The following MKLN1 variants were observed in gnomAD, a reference collection of about 807,000 sequenced individuals.
MKLN1 encodes the protein muskelin 1, also known as muskelin.
In MKLN1, 18 loss-of-function variants were observed where a neutral mutation model predicts 99.0. The ratio of observed to expected loss-of-function variants is 0.18; its 90% CI spans 0.13 to 0.27. The LOEUF (loss-of-function observed/expected upper bound fraction) is 0.27, where lower values mean the gene tolerates loss of function less well. MKLN1 is among the 10% of genes least tolerant of loss of function. MKLN1 has a pLI of 1.00. For missense variants in MKLN1, 621 were observed against 875.9 expected (o/e 0.71, Z 3.67); for synonymous variants, 288 against 293.2 (o/e 0.98, Z 0.18).
intron 4 of MKLN1, among the ~76,000 whole-genome samples, chr7:131,393,468 T>C (rs1275455912): frequency 6.6e-6 from 1 of 152,230 alleles, no homozygotes; most frequent in Non-Finnish European, 1.5e-5. Flanking sequence ...ATATGCCCAT[T>C]GGCAAGATAA....
intron 10 of MKLN1, among the ~76,000 whole-genome samples, chr7:131,439,957 C>T (rs1224709485): frequency 6.6e-6 from 1 of 151,528 alleles, no homozygotes; most frequent in African/African-American, 2.4e-5. Flanking sequence ...TAGAGTAAAC[C>T]TATAACTCCC....
intron 1 of MKLN1, among the ~76,000 whole-genome samples, chr7:131,333,215 T>C (rs1007248411): frequency 2.6e-5 from 4 of 152,046 alleles, no homozygotes; most frequent in Non-Finnish European, 1.5e-5. Flanking sequence ...TGAGCCACCA[T>C]GCCCAGCCAA....
chr7:131,260,427 G>A (rs1797715679), intron 3 of MKLN1, among the ~76,000 whole-genome samples: 1 of 152,126 alleles, frequency 6.6e-6, no homozygotes, highest in African/African-American at 2.4e-5. Context: ...TAGCCAGGGA[G>A]ATGACTACAA....
intron 2 of MKLN1, among the ~76,000 whole-genome samples, chr7:131,384,900 A>G (rs759971621): frequency 6.6e-6 from 1 of 152,246 alleles, no homozygotes; most frequent in African/African-American, 2.4e-5. Context: ...CACACATAAT[A>G]TAAAGTTAGC....
At chr7:131,400,518 A>AATAT (rs56156009) in intron 6 of MKLN1, among the ~76,000 whole-genome samples, 2,012 of 137,396 alleles carry the variant, frequency 0.015, 34 homozygotes, top group African/African-American at 0.042. Flanking sequence ...ATAAAAAAAA[A>AATAT]ATATATATAT....
chr7:131,464,242 T>C (rs1584770123), intron 13 of MKLN1, 52 bp from the exon 14 acceptor site: 1 of 1,123,034 alleles, frequency 8.9e-7, no homozygotes, highest in East Asian at 2.5e-5. Flanking sequence ...GCTACAGTTG[T>C]ATTATCTTTG....
At position 131,240,110 on chromosome 7, in the gene MKLN1, A is replaced by G. The variant is rs151014266; in HGVS notation, c.-179+37136A>G. On this transcript the variant is annotated intron_variant, in intron 3 of 7. Coordinates refer to the MKLN1 transcript ENST00000416992. ...GAGGGAAGATCACTTGAGCCCAGGA[A>G]GTCGAGACTGCAGTGAGCCGTGATC... 4.8e-4 allele frequency among the ~76,000 whole-genome samples: 73 copies of G among 152,224 alleles called. 1 individual carries two copies. Among genetic ancestry groups the G allele is most frequent in the African/African-American group, 1.6e-3 (65 of 41,540 alleles).
chr7:131,238,208 C>T (rs1663266146), intron 3 of MKLN1, among the ~76,000 whole-genome samples: 1 of 152,030 alleles, frequency 6.6e-6, no homozygotes, highest in African/African-American at 2.4e-5. Flanking sequence ...ATCTTGTGTG[C>T]CTGCAAAGGG....
chr7:131,139,321 C>T (rs1485119232), intron 1 of MKLN1, among the ~76,000 whole-genome samples: 1 of 151,944 alleles, frequency 6.6e-6, no homozygotes, highest in Non-Finnish European at 1.5e-5. Flanking sequence ...CCATTTTTGG[C>T]CCCTGCTCTT....
chr7:131,466,936 C>CTT (rs1491491431), intron 15 of MKLN1, among the ~76,000 whole-genome samples: 1 of 152,090 alleles, frequency 6.6e-6, no homozygotes, highest in East Asian at 1.9e-4. Flanking sequence ...CGCGCGCGCG[C>CTT]ACACACGCAC....
At chr7:131,418,094 C>A (rs1306036672) in intron 8 of MKLN1, among the ~76,000 whole-genome samples, 1 of 152,098 alleles carries the variant, frequency 6.6e-6, no homozygotes, top group African/African-American at 2.4e-5. Flanking sequence ...GATGGCCGGG[C>A]ACGGTGGCTC....
At chr7:131,212,729 G>C (rs1180684004) in intron 3 of MKLN1, among the ~76,000 whole-genome samples, 7 of 152,092 alleles carry the variant, frequency 4.6e-5, no homozygotes, top group Non-Finnish European at 2.9e-5. Context: ...TTCGAGACCA[G>C]CCTGACCAAC....
At chr7:131,426,651 A>G (rs1049650819) in intron 8 of MKLN1, among the ~76,000 whole-genome samples, 2 of 152,200 alleles carry the variant, frequency 1.3e-5, no homozygotes, top group African/African-American at 4.8e-5. Context: ...GTCAGTTATA[A>G]TATCATTTTT....
chr7:131,314,210 C>T lies in MKLN1; in HGVS notation c.-178-61214C>T, dbSNP rs141483678. ...TAAAAGTCAAAGGGATCAGGCGACACGATACAAAAGAGAGCAGAGTTTTGT... is the reference window on the plus strand; with the variant it reads ...TAAAAGTCAAAGGGATCAGGCGACATGATACAAAAGAGAGCAGAGTTTTGT... On this transcript the variant is annotated intron_variant, in intron 3 of 7. Transcript: ENST00000416992. 2.6e-3 allele frequency among the ~76,000 whole-genome samples: 402 copies of T among 152,212 alleles called. 2 individuals carry two copies. The highest frequency in any genetic ancestry group is 0.01 in the Middle Eastern group (3 of 294).
intron 1 of MKLN1, among the ~76,000 whole-genome samples, chr7:131,370,069 C>T (rs527284155): frequency 1.1e-4 from 16 of 152,344 alleles, no homozygotes; most frequent in African/African-American, 3.8e-4. Context: ...AACTCCTGAC[C>T]TCAGGTGATC....
chr7:131,389,703 G>A (rs1025535729), intron 4 of MKLN1, among the ~76,000 whole-genome samples: 1 of 151,780 alleles, frequency 6.6e-6, no homozygotes, highest in African/African-American at 2.4e-5. Flanking sequence ...GGCTAACATG[G>A]TGAAACCCCA....
chr7:131,179,589 G>A (rs1408841346), intron 2 of MKLN1, among the ~76,000 whole-genome samples: 2 of 151,746 alleles, frequency 1.3e-5, no homozygotes, highest in Non-Finnish European at 2.9e-5. Context: ...TGTTGTTGTT[G>A]TTTTGAGATA....
chr7:131,325,746 A>G (rs1160927129), upstream of MKLN1, among the ~76,000 whole-genome samples: 2 of 152,004 alleles, frequency 1.3e-5, no homozygotes, highest in African/African-American at 4.8e-5. Flanking sequence ...AACAGTCTAC[A>G]GGATGAGCTG....
intron 3 of MKLN1, chr7:131,311,191 G>T (rs995396533): frequency 1.3e-5 from 2 of 152,144 alleles, no homozygotes; most frequent in Non-Finnish European, 2.9e-5. Flanking sequence ...CTGTATTCAA[G>T]AGTACTTGTC....
Sources: allele counts gnomAD v4.1 joint callset (sites outside exome capture counted in the v4.1 genomes callset), GRCh38; gene constraint gnomAD v4.1.1; transcripts MANE v1.5; gene names NCBI Gene and HGNC (gene_info 2026-07-23, HGNC 2026-07-21).